The following PALLD variants were observed in gnomAD, a reference collection of about 807,000 sequenced individuals.
PALLD encodes the protein palladin, cytoskeletal associated protein.
In PALLD, 61 loss-of-function variants were observed where a neutral mutation model predicts 123.5. The observed-to-expected ratio is 0.49, with a 90% CI of 0.40 to 0.61. The LOEUF (loss-of-function observed/expected upper bound fraction) is 0.61. Among genes scored for constraint, PALLD ranks in the 20% least tolerant of loss-of-function variants. The pLI, the probability that PALLD is intolerant of heterozygous loss-of-function variation, is 0.00. For synonymous variants in PALLD, 465 were observed against 496.4 expected (o/e 0.94, Z 0.84); for missense variants, 1,273 against 1,377.0 (o/e 0.92, Z 1.20).
chr4:168,600,108 T>G (rs13132409), intron 2 of PALLD, among the ~76,000 whole-genome samples: 1 of 121,558 alleles, frequency 8.2e-6, no homozygotes, highest in African/African-American at 2.9e-5. Flanking sequence ...TATGCACACA[T>G]ATATATACAT....
chr4:168,870,587 A>G (rs1027554496), intron 10 of PALLD, among the ~76,000 whole-genome samples: 2 of 152,216 alleles, frequency 1.3e-5, no homozygotes, highest in African/African-American at 2.4e-5. Context: ...AATAAGTACC[A>G]TACTTGGACT....
intron 21 of PALLD, among the ~76,000 whole-genome samples, chr4:168,925,804 C>A (rs1002046175): frequency 6.6e-6 from 1 of 152,118 alleles, no homozygotes; most frequent in Non-Finnish European, 1.5e-5. Flanking sequence ...CCCTACTGTA[C>A]GATTCCTTTC....
rs540263404 is a variant in PALLD, at chr4:168,636,858, G to C, written c.909-31332G>C. On this transcript the variant is annotated intron_variant, in intron 2 of 21. Coordinates refer to ENST00000505667, the MANE Select transcript of PALLD (RefSeq NM_001166108.2). Reference sequence around the variant, plus strand: ...GAGCTACAGAGCCAGTGCTCAGCAGGGTGATCCATTTCTTGGGCTCAGAAG... The same window carrying C: ...GAGCTACAGAGCCAGTGCTCAGCAGCGTGATCCATTTCTTGGGCTCAGAAG... Among the ~76,000 whole-genome samples the C allele has an allele frequency of 1.2e-4, 18 of 152,280 alleles. No individual in the cohort carries two copies. The South Asian group carries it at 3.7e-3, about 32-fold the overall frequency.
intron 10 of PALLD, among the ~76,000 whole-genome samples, chr4:168,726,404 G>T (rs1434122816): frequency 6.6e-6 from 1 of 152,076 alleles, no homozygotes; most frequent in Non-Finnish European, 1.5e-5. Context: ...TTTTTATGAA[G>T]TGTTCACTTT....
Position 168,690,686 on chromosome 4 carries a change from G to A in PALLD, c.1419G>A (p.Gln473=), listed in dbSNP as rs1328352058. ...GTGGGGCACCCCCTCTGCAGGTCCAGTGGTTTCGGCAAGGGAGTGAAATCC... is the reference window on the plus strand; with the variant it reads ...GTGGGGCACCCCCTCTGCAGGTCCAATGGTTTCGGCAAGGGAGTGAAATCC... ...RVRGAPPLQV[Q]WFRQGSEIQD... is the part of the protein sequence containing the mutation. Residue 473 remains glutamine (Q), a synonymous_variant, in exon 7 of 22, where the codon CAG becomes CAA. Coordinates refer to ENST00000505667, the MANE Select transcript of PALLD (RefSeq NM_001166108.2). The A allele has an allele frequency of 1.2e-6, 2 of 1,614,208 alleles. No individual in the cohort carries two copies. Among genetic ancestry groups the A allele is most frequent in the Non-Finnish European group, 1.7e-6 (2 of 1,180,028 alleles).
At chr4:168,622,956 C>A (rs1368175531) in intron 2 of PALLD, among the ~76,000 whole-genome samples, 3 of 152,188 alleles carry the variant, frequency 2.0e-5, no homozygotes, top group African/African-American at 4.8e-5. Context: ...CCTAAGTAAA[C>A]CCTCAGTGCT....
chr4:168,811,784 A>T lies in PALLD; in HGVS notation c.1965-79138A>T, dbSNP rs1042510419. 8.0e-3 allele frequency among the ~76,000 whole-genome samples: 1,141 copies of T among 142,270 alleles called. 38 individuals carry two copies. The East Asian group carries it at 0.13, about 16-fold the overall frequency. 93.3% of individuals were successfully genotyped at this position (142,270 alleles called of 152,430 possible). On this transcript the variant is annotated intron_variant, in intron 10 of 21. Coordinates refer to ENST00000505667, the MANE Select transcript of PALLD (RefSeq NM_001166108.2). The stretch of plus-strand genomic sequence containing the variant: ...CTCTCTCTCTCTCTCTCTCACACAC[A>T]CACACACACACACACACACACACAC...
intron 2 of PALLD, among the ~76,000 whole-genome samples, chr4:168,560,845 G>A (rs371464363): frequency 6.6e-6 from 1 of 152,182 alleles, no homozygotes; most frequent in East Asian, 1.9e-4. Flanking sequence ...CCAGTTGAAT[G>A]CCCACTCTGG....
Position 168,847,820 on chromosome 4 carries a change from T to C in PALLD, c.1965-43102T>C, listed in dbSNP as rs540343392. Among the ~76,000 whole-genome samples, 44 of 152,252 alleles carry C rather than the reference T, an allele frequency of 2.9e-4. No individual in the cohort carries two copies. The South Asian group carries it at 8.9e-3, about 31-fold the overall frequency. The stretch of plus-strand genomic sequence containing the variant: ...CTTTGTATTACAAACAATCCAGTTA[T>C]ACTCTTATACTTTCTGATACTTCAG... On this transcript the variant is annotated intron_variant, in intron 10 of 21. Transcript: ENST00000505667.
At chr4:168,771,784 C>T (rs751405650) in intron 10 of PALLD, among the ~76,000 whole-genome samples, 5 of 152,112 alleles carry the variant, frequency 3.3e-5, no homozygotes, top group Non-Finnish European at 7.4e-5. Flanking sequence ...GCTTTGGGGA[C>T]CCTGGATGTT....
intron 10 of PALLD, among the ~76,000 whole-genome samples, chr4:168,889,977 G>A (rs1017347684): frequency 6.6e-6 from 1 of 152,008 alleles, no homozygotes; most frequent in African/African-American, 2.4e-5. Flanking sequence ...TTTTTTCACC[G>A]GAACTTTGTT....
chr4:168,549,600 C>T (rs899010107), intron 2 of PALLD, among the ~76,000 whole-genome samples: 2 of 152,118 alleles, frequency 1.3e-5, no homozygotes, highest in African/African-American at 4.8e-5. Flanking sequence ...CTTATTAATA[C>T]TTCACCCAAT....
At chr4:168,723,838 G>A (rs17542430) in intron 10 of PALLD, among the ~76,000 whole-genome samples, 52,632 of 150,804 alleles carry the variant, frequency 0.35, 9,566 homozygotes, top group Non-Finnish European at 0.41. Flanking sequence ...TTACGTGGTA[G>A]CACCATGATC....
chr4:168,847,344 T>C (rs1747017395), intron 10 of PALLD, among the ~76,000 whole-genome samples: 1 of 152,198 alleles, frequency 6.6e-6, no homozygotes, highest in Non-Finnish European at 1.5e-5. Flanking sequence ...GTTTATACTA[T>C]GGAATACTAT....
intron 2 of PALLD, among the ~76,000 whole-genome samples, chr4:168,540,269 A>G (rs1056584949): frequency 6.6e-6 from 1 of 152,178 alleles, no homozygotes; most frequent in Admixed American, 6.5e-5. Flanking sequence ...TTTCACATTC[A>G]CAGGCAGAGG....
At chr4:168,529,670 G>A (rs2149478413) in intron 2 of PALLD, among the ~76,000 whole-genome samples, 1 of 152,210 alleles carries the variant, frequency 6.6e-6, no homozygotes, top group African/African-American at 2.4e-5. Flanking sequence ...CCAATTACAT[G>A]GCTTCTGTAG....
intron 10 of PALLD, among the ~76,000 whole-genome samples, chr4:168,800,116 G>A (rs753565979): frequency 1.3e-5 from 2 of 152,100 alleles, no homozygotes; most frequent in Non-Finnish European, 2.9e-5. Context: ...TGCTTTAAAA[G>A]TTCCTCTTTT....
chr4:168,708,491 G>C (rs1241920999), intron 8 of PALLD, among the ~76,000 whole-genome samples: 1 of 152,172 alleles, frequency 6.6e-6, no homozygotes, highest in Non-Finnish European at 1.5e-5. Context: ...GGCTTTTCAT[G>C]CCCTACAACA....
chr4:168,753,224 TA>T (rs1275723953), intron 10 of PALLD, among the ~76,000 whole-genome samples: 1 of 152,146 alleles, frequency 6.6e-6, no homozygotes, highest in Non-Finnish European at 1.5e-5. Flanking sequence ...GCCATTTAAG[TA>T]CAAGGAGAAA....
Sources: gnomAD v4.1 joint callset for allele counts (sites outside exome capture counted in the v4.1 genomes callset) on GRCh38, gnomAD v4.1.1 for gene constraint, MANE v1.5 for transcripts, NCBI Gene and HGNC (gene_info 2026-07-23, HGNC 2026-07-21) for gene names.